The following ANK2 variants were observed in gnomAD, a reference collection of about 807,000 sequenced individuals.
The protein encoded by ANK2 is ankyrin-2.
ANK2 carries 83 observed loss-of-function variants against 360.5 expected under a neutral mutation model. The ratio of observed to expected loss-of-function variants is 0.23; its 90% CI spans 0.19 to 0.28. ANK2 has a LOEUF of 0.28. Ranked by LOEUF, ANK2 falls within the 10% of genes least tolerant of loss-of-function variation. The probability of loss-of-function intolerance (pLI) is 1.00; values close to 1 mark genes in which losing one functional copy is unlikely to be tolerated. For missense variants in ANK2, 4,201 were observed against 4,795.7 expected (o/e 0.88, Z 3.66); for synonymous variants, 1,740 against 1,759.5 (o/e 0.99, Z 0.28).
Position 113,345,907 on chromosome 4 carries a change from A to G in ANK2, c.4256A>G (p.Asp1419Gly). Residue 1419 changes from aspartate (D) to glycine (G), a missense_variant, in exon 35 of 46, where the codon GAT becomes GGT. Transcript: ENST00000357077. ...NRLPLFVKVR[D>G]TTQEPCGRLS... ...ATGTCTTTCTTGTTCAAGGTACGCG[A>G]TACGACTCAGGAACCTTGCGGACGA... 2 of 1,613,572 alleles carry G rather than the reference A, an allele frequency of 1.2e-6. No homozygotes were observed. The highest frequency in any genetic ancestry group is 2.2e-5 in the East Asian group (1 of 44,844).
chr4:113,093,052 TG>T (rs1358282430), intron 1 of ANK2, among the ~76,000 whole-genome samples: 1 of 152,238 alleles, frequency 6.6e-6, no homozygotes, highest in Non-Finnish European at 1.5e-5. Context: ...TTAACTTTTT[TG>T]ATTTCATGGA....
chr4:113,263,187 GAAAAAAAAAAA>G, intron 13 of ANK2, among the ~76,000 whole-genome samples: 2 of 63,630 alleles, frequency 3.1e-5, no homozygotes, highest in South Asian at 1.1e-3. Context: ...GACTCTGTCT[GAAAAAAAAAAA>G]AAAAAAAAAA....
At chr4:113,091,837 C>T (rs994961278) in intron 1 of ANK2, among the ~76,000 whole-genome samples, 1 of 152,154 alleles carries the variant, frequency 6.6e-6, no homozygotes, top group Non-Finnish European at 1.5e-5. Flanking sequence ...TTGGCTCCAC[C>T]CTCTTTCAGT....
the ANK2 span, among the ~76,000 whole-genome samples, chr4:112,729,929 T>A: frequency 1.4e-4 from 22 of 151,998 alleles, no homozygotes; most frequent in Non-Finnish European, 1.0e-4. Flanking sequence ...TGATCTCACT[T>A]ATATGAAATC....
chr4:113,257,627 A>C (rs561284509), intron 11 of ANK2, among the ~76,000 whole-genome samples: 1 of 152,332 alleles, frequency 6.6e-6, no homozygotes, highest in Non-Finnish European at 1.5e-5. Flanking sequence ...TTTTAAGTAG[A>C]TGAATAATTC....
chr4:113,264,759 A>G, intron 13 of ANK2, 138 bp from the exon 14 acceptor site: 2 of 818,720 alleles, frequency 2.4e-6, no homozygotes, highest in Non-Finnish European at 4.0e-6. Flanking sequence ...TATTTTCCAG[A>G]CTAAATAATT....
chr4:112,805,943 G>A, the ANK2 span, among the ~76,000 whole-genome samples: 3 of 152,092 alleles, frequency 2.0e-5, no homozygotes, highest in Admixed American at 2.0e-4. Context: ...CAAAATAGGT[G>A]TATATATTTA....
At chr4:112,846,111 T>G (rs1306467946) in intron 1 of ANK2, among the ~76,000 whole-genome samples, 1 of 151,936 alleles carries the variant, frequency 6.6e-6, no homozygotes, top group East Asian at 1.9e-4. Flanking sequence ...CCTATTAAAT[T>G]TTTTTCTTTC....
At chr4:113,194,557 T>C (rs535387961) in intron 2 of ANK2, among the ~76,000 whole-genome samples, 2 of 152,272 alleles carry the variant, frequency 1.3e-5, no homozygotes, top group African/African-American at 4.8e-5. Flanking sequence ...AAAAGATAAC[T>C]TTGTTTTTTA....
At chr4:113,124,566 C>A (rs1236307575) in intron 1 of ANK2, among the ~76,000 whole-genome samples, 2 of 152,136 alleles carry the variant, frequency 1.3e-5, no homozygotes, top group Non-Finnish European at 2.9e-5. Flanking sequence ...TGGTTCACCA[C>A]AGTTTCCAGA....
rs571477495 is a variant in ANK2 at position 113,194,185 on chromosome 4, G to T, written c.187-2183G>T. Among the ~76,000 whole-genome samples the T allele has an allele frequency of 1.4e-4, 22 of 152,264 alleles. 2 individuals carry two copies. In the South Asian group the frequency reaches 3.9e-3, roughly 27 times the overall value. On this transcript the variant is annotated intron_variant, in intron 2 of 45. Transcript: ENST00000357077. ...TGCTTATGGATTAACAAATAAATTT[G>T]TATTAATTATGAATTTATAATAAGG...
intron 1 of ANK2, among the ~76,000 whole-genome samples, chr4:112,821,604 G>A (rs1043818309): frequency 4.7e-5 from 7 of 150,246 alleles, no homozygotes; most frequent in Non-Finnish European, 1.0e-4. Flanking sequence ...TTGGGCTCAA[G>A]TGATCCTCTC....
At chr4:113,350,623 G>T (rs1284227012) in intron 37 of ANK2, 1 of 227,036 alleles carries the variant, frequency 4.4e-6, no homozygotes, top group Non-Finnish European at 8.8e-6. Flanking sequence ...CACTTTTTAT[G>T]TAATGCAATA....
chr4:112,858,206 G>T (rs753348973), intron 1 of ANK2, among the ~76,000 whole-genome samples: 66 of 149,766 alleles, frequency 4.4e-4, no homozygotes, highest in Non-Finnish European at 8.1e-4. Flanking sequence ...GTTTTTTTTT[G>T]AGTATAAACT....
At chr4:113,148,500 G>A (rs1326813212) in intron 1 of ANK2, among the ~76,000 whole-genome samples, 1 of 152,046 alleles carries the variant, frequency 6.6e-6, no homozygotes, top group African/African-American at 2.4e-5. Context: ...AATTGTAGTA[G>A]AGATTTTCAG....
chr4:112,712,590 G>A, the ANK2 span, among the ~76,000 whole-genome samples: 1 of 150,516 alleles, frequency 6.6e-6, no homozygotes, highest in Non-Finnish European at 1.5e-5. Flanking sequence ...TGTATATTTA[G>A]TAGAGATGGG....
intron 35 of ANK2, among the ~76,000 whole-genome samples, chr4:113,346,839 C>T (rs753296921): frequency 6.6e-5 from 10 of 152,314 alleles, no homozygotes; most frequent in Middle Eastern, 3.4e-3. Flanking sequence ...CTCCCCCTCA[C>T]GTAATTCCTC....
intron 4 of ANK2, among the ~76,000 whole-genome samples, chr4:113,211,979 T>C (rs762767063): frequency 6.6e-6 from 1 of 152,190 alleles, no homozygotes; most frequent in Non-Finnish European, 1.5e-5. Context: ...TCTTTACTGC[T>C]CCTTAATGGA....
chr4:113,278,339 C>T (rs996336481), intron 16 of ANK2, 121 bp from the exon 17 acceptor site: 60 of 821,588 alleles, frequency 7.3e-5, no homozygotes, highest in Non-Finnish European at 1.2e-4. Flanking sequence ...GTTCTTTTTT[C>T]TATTGACTAT....
Sources: allele counts gnomAD v4.1 joint callset (sites outside exome capture counted in the v4.1 genomes callset), GRCh38; gene constraint gnomAD v4.1.1; transcripts MANE v1.5; gene names NCBI Gene and HGNC (gene_info 2026-07-23, HGNC 2026-07-21).